MACROD2: variants seen among roughly 807,000 people sequenced by gnomAD.
The protein encoded by MACROD2 is ADP-ribose glycohydrolase MACROD2.
MACROD2 carries 36 observed loss-of-function variants against 70.4 expected under a neutral mutation model. That is an observed-to-expected ratio of 0.51 (90% confidence interval 0.39 to 0.68). MACROD2 has a LOEUF of 0.68. Ranked by LOEUF, MACROD2 falls within the 30% of genes least tolerant of loss-of-function variation. The pLI is 0.00. For synonymous variants in MACROD2, 172 were observed against 178.8 expected (o/e 0.96, Z 0.30); for missense variants, 496 against 538.4 (o/e 0.92, Z 0.78).
chr20:15,146,473 A>G (rs392143), intron 5 of MACROD2, among the ~76,000 whole-genome samples: 89,624 of 151,960 alleles, frequency 0.59, 26,567 homozygotes, highest in East Asian at 0.65. Context: ...TATTTGTCCA[A>G]TGTAAAGCTA....
intron 3 of MACROD2, among the ~76,000 whole-genome samples, chr20:14,130,930 G>GTTTTTTTT (rs11087075): frequency 2.7e-5 from 3 of 109,652 alleles, no homozygotes; most frequent in African/African-American, 4.0e-5. Context: ...TGTTTTTTTT[G>GTTTTTTTT]TTTTTTTTTT....
At chr20:14,467,833 G>T (rs1221095281) in intron 3 of MACROD2, among the ~76,000 whole-genome samples, 2 of 152,084 alleles carry the variant, frequency 1.3e-5, no homozygotes, top group East Asian at 1.9e-4. Flanking sequence ...TAGTTTCGAA[G>T]AACTTATTTA....
intron 3 of MACROD2, among the ~76,000 whole-genome samples, chr20:14,186,100 T>A (rs936173204): frequency 3.3e-5 from 5 of 152,152 alleles, no homozygotes; most frequent in Admixed American, 1.3e-4. Flanking sequence ...TTCTGACAGA[T>A]GTTTTCAATA....
chr20:14,541,075 C>G (rs1298971704), intron 4 of MACROD2, among the ~76,000 whole-genome samples: 1 of 152,150 alleles, frequency 6.6e-6, no homozygotes, highest in Admixed American at 6.5e-5. Flanking sequence ...CATATTACAT[C>G]TTAATTACAG....
At chr20:15,215,735 A>G (rs2076804868) in intron 5 of MACROD2, among the ~76,000 whole-genome samples, 1 of 152,074 alleles carries the variant, frequency 6.6e-6, no homozygotes, top group African/African-American at 2.4e-5. Flanking sequence ...ACATATGACA[A>G]AAGTAGAAGT....
intron 3 of MACROD2, among the ~76,000 whole-genome samples, chr20:14,134,962 A>G (rs1332500565): frequency 4.6e-5 from 7 of 152,174 alleles, no homozygotes; most frequent in African/African-American, 1.4e-4. Flanking sequence ...GGTAATGGCA[A>G]CAAAGTTAAA....
At chr20:15,065,291 G>A (rs1038094147) in intron 5 of MACROD2, among the ~76,000 whole-genome samples, 21 of 151,980 alleles carry the variant, frequency 1.4e-4, no homozygotes, top group African/African-American at 5.1e-4. Context: ...GTACATGGAA[G>A]AAGAAAAAAA....
chr20:15,105,588 T>G (rs914850475), intron 5 of MACROD2, among the ~76,000 whole-genome samples: 2 of 152,062 alleles, frequency 1.3e-5, no homozygotes, highest in Non-Finnish European at 2.9e-5. Flanking sequence ...CTAACAGTGT[T>G]AGAGGCAGAA....
At chr20:15,620,590 T>G (rs1428240262) in intron 8 of MACROD2, among the ~76,000 whole-genome samples, 1 of 152,160 alleles carries the variant, frequency 6.6e-6, no homozygotes, top group Non-Finnish European at 1.5e-5. Context: ...TTATTAATAT[T>G]GTTATTAATT....
chr20:15,146,176 T>C (rs977643089), intron 5 of MACROD2, among the ~76,000 whole-genome samples: 1 of 152,188 alleles, frequency 6.6e-6, no homozygotes, highest in African/African-American at 2.4e-5. Flanking sequence ...TATTTTCTGC[T>C]CTTTGTTTAA....
chr20:15,311,367 A>G (rs1451188738), intron 6 of MACROD2, among the ~76,000 whole-genome samples: 1 of 152,208 alleles, frequency 6.6e-6, no homozygotes. Context: ...CATTTGGTAG[A>G]ATTGCATGCT....
intron 4 of MACROD2, among the ~76,000 whole-genome samples, chr20:14,604,838 C>T (rs1473520314): frequency 1.3e-5 from 2 of 152,142 alleles, no homozygotes; most frequent in Admixed American, 1.3e-4. Flanking sequence ...AGAAGATCCC[C>T]TCATACTTCA....
intron 8 of MACROD2, among the ~76,000 whole-genome samples, chr20:15,679,326 G>A (rs568910974): frequency 1.3e-5 from 2 of 152,178 alleles, no homozygotes; most frequent in Non-Finnish European, 2.9e-5. Flanking sequence ...TGTGGCCAAG[G>A]GAAAGAAGGG....
chr20:14,330,933 A>G (rs1330882990), intron 3 of MACROD2, among the ~76,000 whole-genome samples: 2 of 152,140 alleles, frequency 1.3e-5, no homozygotes, highest in Non-Finnish European at 2.9e-5. Flanking sequence ...AAATTATTCA[A>G]CATATAAAAT....
intron 4 of MACROD2, among the ~76,000 whole-genome samples, chr20:14,603,100 C>T (rs922491440): frequency 1.3e-5 from 2 of 152,076 alleles, no homozygotes; most frequent in Non-Finnish European, 2.9e-5. Flanking sequence ...TTAGTTTGCA[C>T]CATATAGTTG....
At chr20:14,220,860 C>G (rs960098437) in intron 3 of MACROD2, among the ~76,000 whole-genome samples, 1 of 152,282 alleles carries the variant, frequency 6.6e-6, no homozygotes, top group South Asian at 2.1e-4. Flanking sequence ...GTGGGGCACT[C>G]GCAGTTTTGG....
At chr20:15,248,660 C>G (rs1221566903) in intron 6 of MACROD2, among the ~76,000 whole-genome samples, 1 of 152,164 alleles carries the variant, frequency 6.6e-6, no homozygotes, top group African/African-American at 2.4e-5. Context: ...CCAGAGTCCG[C>G]TCAGTCTCAG....
At chr20:14,731,957 T>C (rs2071603911) in intron 5 of MACROD2, among the ~76,000 whole-genome samples, 2 of 152,202 alleles carry the variant, frequency 1.3e-5, no homozygotes, top group Admixed American at 6.5e-5. Context: ...TATATTCATC[T>C]GTATTGTTAA....
At chr20:15,295,225 C>T (rs575024763) in intron 6 of MACROD2, among the ~76,000 whole-genome samples, 2 of 152,154 alleles carry the variant, frequency 1.3e-5, no homozygotes, top group South Asian at 2.1e-4. Context: ...TGTGAGTCCT[C>T]CCCAGTCATG....
Sources: allele counts gnomAD v4.1 joint callset (sites outside exome capture counted in the v4.1 genomes callset), GRCh38; gene constraint gnomAD v4.1.1; transcripts MANE v1.5; gene names NCBI Gene and HGNC (gene_info 2026-07-23, HGNC 2026-07-21).